The following ARHGEF28 variants were observed in gnomAD, a reference collection of about 807,000 sequenced individuals.
The protein encoded by ARHGEF28 is Rho guanine nucleotide exchange factor 28, also known as 190 kDa guanine nucleotide exchange factor.
A neutral mutation model predicts 206.6 loss-of-function variants in ARHGEF28; 152 were observed. That is an observed-to-expected ratio of 0.74 (90% CI 0.64 to 0.84). ARHGEF28 has a LOEUF of 0.84. Ranked by LOEUF, ARHGEF28 falls within the 40% of genes least tolerant of loss-of-function variation. The pLI, the probability that ARHGEF28 is intolerant of heterozygous loss-of-function variation, is 0.00. For synonymous variants in ARHGEF28, 763 were observed against 776.4 expected, an observed-to-expected ratio of 0.98 and a Z score of 0.29; for missense variants, 2,028 against 2,073.2, an observed-to-expected ratio of 0.98 and a Z score of 0.42.
chr5:73,773,800 A>G (rs1210734535), intron 4 of ARHGEF28, 55 bp from the exon 5 acceptor site: 2 of 1,463,970 alleles, frequency 1.4e-6, no homozygotes, highest in Non-Finnish European at 1.8e-6. Context: ...TAAAATGTGT[A>G]AAACAAACTT....
chr5:73,920,134 A>G (rs1242660968), intron 35 of ARHGEF28, among the ~76,000 whole-genome samples: 1 of 152,202 alleles, frequency 6.6e-6, no homozygotes, highest in Non-Finnish European at 1.5e-5. Context: ...GGTATCAGAG[A>G]AATGGGGTGT....
chr5:73,663,884 T>C (rs532675099), intron 1 of ARHGEF28, among the ~76,000 whole-genome samples: 19 of 152,360 alleles, frequency 1.2e-4, no homozygotes, highest in African/African-American at 4.6e-4. Flanking sequence ...TCAGCATATG[T>C]AGTTACGTTT....
At chr5:73,633,869 G>A (rs1441516948) in intron 1 of ARHGEF28, among the ~76,000 whole-genome samples, 4 of 152,068 alleles carry the variant, frequency 2.6e-5, no homozygotes, top group African/African-American at 9.7e-5. Flanking sequence ...GAGCCACCAT[G>A]CCTGGCCTAA....
chr5:73,779,636 G>C (rs937845387), intron 6 of ARHGEF28, among the ~76,000 whole-genome samples: 2 of 152,014 alleles, frequency 1.3e-5, no homozygotes, highest in African/African-American at 2.4e-5. Flanking sequence ...GAGCCTGTGT[G>C]GTGACCCCTC....
At chr5:73,885,020 A>G (rs1310673140) in intron 24 of ARHGEF28, among the ~76,000 whole-genome samples, 3 of 151,550 alleles carry the variant, frequency 2.0e-5, no homozygotes, top group African/African-American at 7.3e-5. Context: ...ATTTAATTTT[A>G]AATAAAATGG....
chr5:73,852,817 A>T, intron 14 of ARHGEF28, 125 bp downstream of exon 14: 1 of 998,768 alleles, frequency 1.0e-6, no homozygotes, highest in Non-Finnish European at 1.6e-6. Context: ...CCTGCCTAAG[A>T]CCCTTTGCTC....
intron 27 of ARHGEF28, 81 bp from the exon 28 acceptor site, chr5:73,893,116 C>T (rs1761746532): frequency 1.7e-6 from 2 of 1,173,136 alleles, no homozygotes; most frequent in South Asian, 2.0e-5. Context: ...AATCTATTGC[C>T]AAGTTCCCAT....
At chr5:73,876,027 C>T (rs1381212312) in intron 22 of ARHGEF28, among the ~76,000 whole-genome samples, 8 of 149,686 alleles carry the variant, frequency 5.3e-5, no homozygotes, top group East Asian at 2.0e-4. Flanking sequence ...GCCATTTTCA[C>T]GATATTGATT....
At chr5:73,864,529 G>A (rs1187156126) in intron 16 of ARHGEF28, among the ~76,000 whole-genome samples, 6 of 152,258 alleles carry the variant, frequency 3.9e-5, no homozygotes, top group African/African-American at 1.4e-4. Flanking sequence ...AGACACAGAA[G>A]CATTGCAGAA....
chr5:73,824,629 G>A (rs1561432426), intron 9 of ARHGEF28, among the ~76,000 whole-genome samples: 10 of 151,994 alleles, frequency 6.6e-5, no homozygotes, highest in Admixed American at 5.9e-4. Context: ...CATCACGCCC[G>A]GCTAATTTTT....
At chr5:73,725,019 G>A (rs2112337992) in intron 2 of ARHGEF28, among the ~76,000 whole-genome samples, 1 of 152,190 alleles carries the variant, frequency 6.6e-6, no homozygotes, top group Non-Finnish European at 1.5e-5. Context: ...ATGTATGTTT[G>A]TTGTAGAAAA....
At chr5:73,724,882 A>C (rs10474397) in intron 2 of ARHGEF28, among the ~76,000 whole-genome samples, 7,521 of 152,302 alleles carry the variant, frequency 0.049, 209 homozygotes, top group East Asian at 0.095. Context: ...ATGTGAATAT[A>C]AGTTTATACA....
intron 29 of ARHGEF28, among the ~76,000 whole-genome samples, chr5:73,895,502 C>T (rs1761912180): frequency 6.6e-6 from 1 of 152,058 alleles, no homozygotes; most frequent in Non-Finnish European, 1.5e-5. Flanking sequence ...GCAGCGGCTT[C>T]AAGGCAGAAA....
In ARHGEF28 at chr5:73,781,525, C is replaced by T. The variant is rs539722256; in HGVS notation, c.910+780C>T. ...GCAATTCTTACTTCATTTGAGGTTA[C>T]TTCTGCTTTTCCATATGCAAATTAA... On this transcript the variant is annotated intron_variant, in intron 7 of 35. Transcript: ENST00000513042. Among the ~76,000 whole-genome samples, 12 of 152,244 alleles carry T rather than the reference C, an allele frequency of 7.9e-5. 1 individual carries two copies. The highest frequency in any genetic ancestry group is 6.5e-4 in the Admixed American group (10 of 15,300).
At chr5:73,884,601 T>C (rs1262250503) in intron 24 of ARHGEF28, among the ~76,000 whole-genome samples, 1 of 152,206 alleles carries the variant, frequency 6.6e-6, no homozygotes, top group Non-Finnish European at 1.5e-5. Flanking sequence ...TAAAAAGGGC[T>C]TGGGTTTGGA....
intron 1 of ARHGEF28, among the ~76,000 whole-genome samples, chr5:73,665,987 T>G (rs545935391): frequency 6.6e-6 from 1 of 152,186 alleles, no homozygotes; most frequent in Non-Finnish European, 1.5e-5. Context: ...GTCATATAAA[T>G]CAGAAATGGG....
intron 1 of ARHGEF28, among the ~76,000 whole-genome samples, chr5:73,666,279 G>A (rs539544231): frequency 6.6e-6 from 1 of 152,318 alleles, no homozygotes; most frequent in Admixed American, 6.5e-5. Context: ...GGACCTCCAA[G>A]GTCTCAGGAA....
At chr5:73,913,123 A>G (rs942330515) in intron 35 of ARHGEF28, among the ~76,000 whole-genome samples, 1 of 152,252 alleles carries the variant, frequency 6.6e-6, no homozygotes, top group Non-Finnish European at 1.5e-5. Context: ...ATCCACATGT[A>G]AGGAATTAGA....
intron 20 of ARHGEF28, among the ~76,000 whole-genome samples, 158 bp from the exon 21 acceptor site, chr5:73,869,911 A>C (rs970040927): frequency 5.3e-5 from 8 of 152,050 alleles, no homozygotes; most frequent in African/African-American, 1.9e-4. Flanking sequence ...GTCTCAAAAA[A>C]AAACAGATGT....
Sources: gnomAD v4.1 joint callset for allele counts (sites outside exome capture counted in the v4.1 genomes callset) on GRCh38, gnomAD v4.1.1 for gene constraint, MANE v1.5 for transcripts, NCBI Gene and HGNC (gene_info 2026-07-23, HGNC 2026-07-21) for gene names.